SMG1: variants seen among roughly 807,000 people sequenced by gnomAD.
The protein encoded by SMG1 is SMG1 nonsense mediated mRNA decay associated PI3K related kinase, also known as serine/threonine-protein kinase SMG1.
SMG1 carries 22 observed loss-of-function variants against 419.9 expected under a neutral mutation model. The ratio of observed to expected loss-of-function variants is 0.05; its 90% CI spans 0.04 to 0.07. SMG1 has a LOEUF of 0.07. SMG1 is among the 10% of genes least tolerant of loss of function. SMG1 has a pLI of 1.00. For synonymous variants in SMG1, 1,538 were observed against 1,553.5 expected, an observed-to-expected ratio of 0.99 and a Z score of 0.23; for missense variants, 3,185 against 4,342.0, an observed-to-expected ratio of 0.73 and a Z score of 7.49.
chr16:18,858,768 A>G (rs2035053963), intron 28 of SMG1: 2 of 378,338 alleles, frequency 5.3e-6, no homozygotes, highest in East Asian at 5.1e-5. Flanking sequence ...CTGTCTTTAC[A>G]TACACCACCT....
intron 42 of SMG1, 72 bp from the exon 43 acceptor site, chr16:18,838,761 T>A (rs2033736075): frequency 2.0e-6 from 2 of 980,898 alleles, no homozygotes; most frequent in East Asian, 2.4e-5. Context: ...GACGTGATAC[T>A]ATAAAATTTA....
intron 60 of SMG1, among the ~76,000 whole-genome samples, chr16:18,813,092 C>G (rs909811624): frequency 8.6e-5 from 13 of 152,030 alleles, no homozygotes; most frequent in African/African-American, 2.9e-4. Context: ...GGGTTGGTTC[C>G]AAGTCTTTGC....
rs1228644961 is a variant in SMG1, at chr16:18,805,595, T to G, written c.*3974A>C. 2 of 152,202 alleles carry G rather than the reference T, an allele frequency of 1.3e-5. No individual in the cohort carries two copies. The highest frequency in any genetic ancestry group is 2.9e-5 in the Non-Finnish European group (2 of 68,034). The allele number at this position is 152,202 out of a possible 1,614,324, so 9.4% of individuals were successfully genotyped here. A position where few individuals can be genotyped will look rare whatever the true frequency, so the allele number is the denominator to read the frequency against. ...GCAACAAACCCTTAGGGTTTCATGA[T>G]ACAGTGAATTTTCCCCTCCCCAACG... On this transcript the variant is annotated 3_prime_UTR_variant, in exon 63 of 63. Coordinates refer to ENST00000446231, the MANE Select transcript of SMG1 (RefSeq NM_015092.5).
chr16:18,808,633 T>C lies in SMG1; in HGVS notation c.*936A>G, dbSNP rs1436551909. 1 of 152,592 alleles carries C rather than the reference T, an allele frequency of 6.6e-6. No individual in the cohort carries two copies. The highest frequency in any genetic ancestry group is 1.5e-5 in the Non-Finnish European group (1 of 68,024). The allele number at this position is 152,592 out of a possible 1,614,324, so 9.5% of individuals were successfully genotyped here. The stretch of plus-strand genomic sequence containing the variant: ...TGCACACTATAAGCAAAAGGGAGTG[T>C]ACATTAAATCAAATGTCTGTTAGAT... On this transcript the variant is annotated 3_prime_UTR_variant, in exon 63 of 63. Transcript: ENST00000446231.
chr16:18,888,164 CAAA>C (rs991748168), intron 6 of SMG1, among the ~76,000 whole-genome samples: 8 of 41,206 alleles, frequency 1.9e-4, no homozygotes, highest in Admixed American at 3.4e-4. Flanking sequence ...GACTCTGCAT[CAAA>C]AAAAAAAAAA....
At chr16:18,814,303 G>C (rs1039632679) in intron 60 of SMG1, among the ~76,000 whole-genome samples, 1 of 151,112 alleles carries the variant, frequency 6.6e-6, no homozygotes, top group Non-Finnish European at 1.5e-5. Context: ...TTCTTCATTT[G>C]TATTAAGTAT....
rs2034354206 is a variant in SMG1, at chr16:18,847,810, T to C, written c.5841+6A>G. The C allele has an allele frequency of 1.9e-6, 3 of 1,611,162 alleles. No individual in the cohort carries two copies. The highest frequency in any genetic ancestry group is 2.5e-6 in the Non-Finnish European group (3 of 1,178,910). Reference sequence around the variant, plus strand: ...ATTCTTCTACAACATGTGAGTTTCTTTGTACCTGTAATACCATGGTGGGGT... The same window carrying C: ...ATTCTTCTACAACATGTGAGTTTCTCTGTACCTGTAATACCATGGTGGGGT... On this transcript the variant is annotated splice_donor_region_variant and intron_variant, in intron 37 of 62. Transcript: ENST00000446231.
intron 1 of SMG1, among the ~76,000 whole-genome samples, chr16:18,909,916 C>A (rs1038080003): frequency 2.6e-5 from 4 of 151,936 alleles, no homozygotes; most frequent in African/African-American, 9.7e-5. Flanking sequence ...CTATCTTTTT[C>A]TTTTGTTACA....
intron 25 of SMG1, chr16:18,861,103 C>A: frequency 5.1e-6 from 1 of 194,356 alleles, no homozygotes; most frequent in African/African-American, 2.4e-5. Flanking sequence ...TAGACCTCTG[C>A]AGGACAACTT....
intron 1 of SMG1, among the ~76,000 whole-genome samples, chr16:18,902,705 CAAAAA>C (rs536940919): frequency 5.1e-5 from 6 of 116,868 alleles, no homozygotes; most frequent in African/African-American, 1.9e-4. Flanking sequence ...GGCCCTGTCT[CAAAAA>C]AAAAAAAAAG....
chr16:18,912,060 C>T (rs1371589128), intron 1 of SMG1, among the ~76,000 whole-genome samples: 1 of 122,524 alleles, frequency 8.2e-6, no homozygotes, highest in Non-Finnish European at 1.6e-5. Flanking sequence ...CCAGCCTGGG[C>T]AACAGAGCAA....
rs2034517441 is a variant in SMG1 at position 18,850,293 on chromosome 16, G to A, written c.5227C>T (p.Leu1743=). ...WRKVVDRIFS[L]YKLSCSAYFT... ...TATGCACTGCAAGAGAGTTTGTACA[G>A]GCTGAATATTCTATCTACAACTTTC... The change falls in exon 34 of 63, where the codon CTG becomes TTG. Residue 1743 remains leucine (L), a synonymous_variant. Coordinates refer to ENST00000446231, the MANE Select transcript of SMG1 (RefSeq NM_015092.5). 1 of 1,613,690 alleles carries A rather than the reference G, an allele frequency of 6.2e-7. No individual in the cohort carries two copies. The highest frequency in any genetic ancestry group is 1.7e-5 in the Admixed American group (1 of 59,978).
At chr16:18,816,252 A>G in intron 58 of SMG1, 50 bp downstream of exon 58, 1 of 1,409,914 alleles carries the variant, frequency 7.1e-7, no homozygotes, top group South Asian at 1.3e-5. Flanking sequence ...ACTACTTGTA[A>G]ATTTTATAAC....
rs762889521 is a variant in SMG1 at position 18,815,470 on chromosome 16, G to A, written c.10484C>T (p.Thr3495Ile). ...HVEMLQEITP[T>I]LKELKTQSQS... ...ACTTTGTGTTTTCAGTTCTTTCAAGGTGGGAGTGATTTCCTGGAGCATTTC... is the reference window on the plus strand; with the variant it reads ...ACTTTGTGTTTTCAGTTCTTTCAAGATGGGAGTGATTTCCTGGAGCATTTC... The change falls in exon 59 of 63, where the codon ACC (threonine) becomes ATC (isoleucine). Residue 3495 changes from threonine (T) to isoleucine (I), a missense_variant. Transcript: ENST00000446231. The A allele has an allele frequency of 1.9e-6, 3 of 1,613,942 alleles. No homozygotes were observed. Among genetic ancestry groups the A allele is most frequent in the Non-Finnish European group, 1.7e-6 (2 of 1,179,876 alleles).
chr16:18,891,576 G>C (rs951972134), intron 4 of SMG1, among the ~76,000 whole-genome samples: 8 of 151,922 alleles, frequency 5.3e-5, no homozygotes, highest in Non-Finnish European at 1.2e-4. Flanking sequence ...CTGGAATTAC[G>C]GGCATGTGCC....
chr16:18,923,705 G>A (rs2038284181), intron 1 of SMG1, among the ~76,000 whole-genome samples: 1 of 145,300 alleles, frequency 6.9e-6, no homozygotes, highest in Non-Finnish European at 1.5e-5. Flanking sequence ...TGGTACATAA[G>A]AGGCAAAAAA....
At chr16:18,919,635 T>TGTGTGG (rs2038109429) in intron 1 of SMG1, among the ~76,000 whole-genome samples, 1 of 44,862 alleles carries the variant, frequency 2.2e-5, no homozygotes, top group Non-Finnish European at 5.1e-5. Context: ...AAAAAAAAAA[T>TGTGTGG]GTGTGTGTGT....
Position 18,876,245 on chromosome 16 carries a change from G to C in SMG1, c.1769C>G (p.Ser590Cys). Reference sequence around the variant, plus strand: ...CTTAAAAGCCTCATGTTTTATTTCAGAACAGGCCTCAGGAAGTTGTAGACT... The same window carrying C: ...CTTAAAAGCCTCATGTTTTATTTCACAACAGGCCTCAGGAAGTTGTAGACT... Reference protein sequence around the residue: ...LHSLQLPEACSEIKHEAFKNH... With the variant: ...LHSLQLPEACCEIKHEAFKNH... Residue 590 changes from serine (S) to cysteine (C), a missense_variant, in exon 13 of 63, where the codon TCT becomes TGT. By Grantham distance (112) the Ser-to-Cys change is moderately radical. This residue lies in a region of SMG1 where 297 missense variants were observed against 491.0 expected (regional missense o/e 0.60). Coordinates refer to ENST00000446231, the MANE Select transcript of SMG1 (RefSeq NM_015092.5). 1.2e-6 allele frequency: 2 copies of C among 1,611,740 alleles called. No individual in the cohort carries two copies. Among genetic ancestry groups the C allele is most frequent in the African/African-American group, 1.3e-5 (1 of 74,960 alleles).
chr16:18,879,768 C>T (rs1269074142), intron 10 of SMG1, 49 bp from the exon 11 acceptor site: 14 of 1,448,518 alleles, frequency 9.7e-6, no homozygotes, highest in Non-Finnish European at 1.2e-5. Context: ...CACGTGCTTC[C>T]ACAAAGCAAG....
Sources: gnomAD v4.1 joint callset for allele counts (sites outside exome capture counted in the v4.1 genomes callset) on GRCh38, gnomAD v4.1.1 for gene constraint, gnomAD v4.1.1 regional missense constraint, MANE v1.5 for transcripts, NCBI Gene and HGNC (gene_info 2026-07-23, HGNC 2026-07-21) for gene names.